PLCB1: variants seen among roughly 807,000 people sequenced by gnomAD.
The protein encoded by PLCB1 is phospholipase C beta 1.
PLCB1 carries 46 observed loss-of-function variants against 161.8 expected under a neutral mutation model. The observed-to-expected ratio is 0.28, with a 90% confidence interval of 0.22 to 0.36. The LOEUF (loss-of-function observed/expected upper bound fraction) is 0.36. Among genes scored for constraint, PLCB1 ranks in the 10% least tolerant of loss-of-function variants. PLCB1 has a pLI of 1.00. For missense variants in PLCB1, 1,016 were observed against 1,472.5 expected, an observed-to-expected ratio of 0.69 and a Z score of 5.07; for synonymous variants, 517 against 503.7, an observed-to-expected ratio of 1.03 and a Z score of -0.35.
intron 3 of PLCB1, among the ~76,000 whole-genome samples, chr20:8,460,765 C>T (rs78033433): frequency 0.011 from 1,731 of 152,254 alleles, 36 homozygotes; most frequent in South Asian, 0.016. Flanking sequence ...TTTTCTAAAG[C>T]CCCCCATTTA....
intron 11 of PLCB1, among the ~76,000 whole-genome samples, chr20:8,706,516 T>G (rs1978686659): frequency 6.6e-6 from 1 of 152,234 alleles, no homozygotes; most frequent in Admixed American, 6.5e-5. Flanking sequence ...GAGGCGAGAA[T>G]GGCTCTACTG....
intron 31 of PLCB1, among the ~76,000 whole-genome samples, chr20:8,835,179 G>C (rs1986234203): frequency 6.6e-6 from 1 of 151,924 alleles, no homozygotes; most frequent in African/African-American, 2.4e-5. Flanking sequence ...AAATTTCTAG[G>C]AAGAGTAAAT....
intron 31 of PLCB1, among the ~76,000 whole-genome samples, chr20:8,792,968 C>T (rs1983838489): frequency 6.6e-6 from 1 of 152,126 alleles, no homozygotes; most frequent in Non-Finnish European, 1.5e-5. Context: ...GCATAGCAGT[C>T]GCTGATGCTC....
chr20:8,609,777 GGTCAGCCACCTACAGGT>G (rs575501909), intron 3 of PLCB1, among the ~76,000 whole-genome samples: 77 of 152,104 alleles, frequency 5.1e-4, no homozygotes, highest in Middle Eastern at 3.4e-3. Flanking sequence ...CTATGTAGGT[GGTCAGCCACCTACAGGT>G]GTCAGCCACC....
intron 27 of PLCB1, among the ~76,000 whole-genome samples, chr20:8,777,866 A>T (rs1983022839): frequency 6.6e-6 from 1 of 152,148 alleles, no homozygotes; most frequent in Admixed American, 6.5e-5. Context: ...GTCATGGCAG[A>T]AGACAAGTCA....
chr20:8,688,531 A>G (rs1381993653), intron 10 of PLCB1, among the ~76,000 whole-genome samples: 1 of 152,172 alleles, frequency 6.6e-6, no homozygotes, highest in Non-Finnish European at 1.5e-5. Context: ...ATAAGGTGAG[A>G]GATGAGGATC....
At position 8,628,333 on chromosome 20, in the gene PLCB1, G is replaced by A. The variant is rs200016726; in HGVS notation, c.286G>A (p.Gly96Arg). The change falls in exon 4 of 32, where the codon GGG becomes AGG. Residue 96 changes from glycine to arginine, a missense_variant. By Grantham distance (125) the Gly-to-Arg change is moderately radical (BLOSUM62 -2). Transcript: ENST00000338037. ...LRELLDVGNI[G>R]RLEQRMITVV... ...TGAACTTTTGGATGTGGGGAACATCGGGCGCCTGGAGCAGCGCATGATCAC... is the reference window on the plus strand; with the variant it reads ...TGAACTTTTGGATGTGGGGAACATCAGGCGCCTGGAGCAGCGCATGATCAC... The A allele has an allele frequency of 3.7e-6, 6 of 1,613,448 alleles. No homozygotes were observed. Among genetic ancestry groups the A allele is most frequent in the South Asian group, 2.2e-5 (2 of 91,066 alleles).
At chr20:8,176,861 G>T (rs1311965303) in intron 2 of PLCB1, among the ~76,000 whole-genome samples, 1 of 152,136 alleles carries the variant, frequency 6.6e-6, no homozygotes, top group African/African-American at 2.4e-5. Context: ...CTCCAGAGTA[G>T]TGCCTGAGGA....
At chr20:8,219,069 C>T (rs1239043642) in intron 2 of PLCB1, among the ~76,000 whole-genome samples, 1 of 152,124 alleles carries the variant, frequency 6.6e-6, no homozygotes, top group Non-Finnish European at 1.5e-5. Context: ...GTCACTGATA[C>T]ACCAATCCTA....
chr20:8,803,768 T>A (rs1442503108), intron 31 of PLCB1, among the ~76,000 whole-genome samples: 1 of 150,654 alleles, frequency 6.6e-6, no homozygotes, highest in Non-Finnish European at 1.5e-5. Context: ...GCCCTGGTAG[T>A]TTTGTGTTTT....
chr20:8,484,158 T>C (rs1188369504), intron 3 of PLCB1, among the ~76,000 whole-genome samples: 2 of 152,182 alleles, frequency 1.3e-5, no homozygotes, highest in African/African-American at 4.8e-5. Context: ...CCCGAGTAGC[T>C]GGGATCATAG....
At chr20:8,841,546 T>C (rs1439944596) in intron 31 of PLCB1, among the ~76,000 whole-genome samples, 1 of 152,240 alleles carries the variant, frequency 6.6e-6, no homozygotes. Flanking sequence ...TTTGTTCTGT[T>C]GAATATCAAG....
At chr20:8,845,229 G>A (rs956305204) in intron 31 of PLCB1, among the ~76,000 whole-genome samples, 2 of 152,180 alleles carry the variant, frequency 1.3e-5, no homozygotes, top group African/African-American at 2.4e-5. Context: ...AGGCAGGAAA[G>A]ATACAGGAAG....
chr20:8,842,426 ATCT>A (rs1265357981), intron 31 of PLCB1, among the ~76,000 whole-genome samples: 20 of 152,148 alleles, frequency 1.3e-4, no homozygotes, highest in African/African-American at 4.8e-4. Flanking sequence ...GCAATGCAAA[ATCT>A]TCTACTGAAG....
At chr20:8,551,930 G>T (rs1568504867) in intron 3 of PLCB1, among the ~76,000 whole-genome samples, 1 of 152,218 alleles carries the variant, frequency 6.6e-6, no homozygotes, top group East Asian at 1.9e-4. Flanking sequence ...CAACCTGAGA[G>T]AGAAGGTCAT....
At chr20:8,309,662 C>A (rs145541278) in intron 2 of PLCB1, among the ~76,000 whole-genome samples, 1 of 152,160 alleles carries the variant, frequency 6.6e-6, no homozygotes, top group Non-Finnish European at 1.5e-5. Context: ...GAGAAGCAAT[C>A]GCGTCCATAA....
intron 2 of PLCB1, among the ~76,000 whole-genome samples, chr20:8,170,645 C>G (rs1349306174): frequency 1.3e-5 from 2 of 152,018 alleles, no homozygotes; most frequent in African/African-American, 2.4e-5. Context: ...AGGGTATATA[C>G]TTGGTACATA....
At chr20:8,462,421 A>G (rs1255707354) in intron 3 of PLCB1, among the ~76,000 whole-genome samples, 1 of 152,208 alleles carries the variant, frequency 6.6e-6, no homozygotes, top group Non-Finnish European at 1.5e-5. Context: ...AACGATTAAG[A>G]CAAATCAAGG....
intron 26 of PLCB1, among the ~76,000 whole-genome samples, chr20:8,774,094 C>G (rs527403714): frequency 3.0e-4 from 46 of 151,500 alleles, no homozygotes; most frequent in African/African-American, 9.8e-4. Flanking sequence ...AAACAAGGCA[C>G]ATCTTTAGCT....
Sources: gnomAD v4.1 joint callset for allele counts (sites outside exome capture counted in the v4.1 genomes callset) on GRCh38, gnomAD v4.1.1 for gene constraint, MANE v1.5 for transcripts, NCBI Gene and HGNC (gene_info 2026-07-23, HGNC 2026-07-21) for gene names.